KIN: variants seen among roughly 807,000 people sequenced by gnomAD.
The protein encoded by KIN is Kin17 DNA and RNA binding protein.
Under a neutral mutation model 63.0 loss-of-function variants are expected in KIN, and 47 were observed. The ratio of observed to expected loss-of-function variants is 0.75; its 90% CI spans 0.59 to 0.95. KIN has a LOEUF of 0.95. KIN is among the 40% of genes least tolerant of loss of function. KIN has a pLI of 0.00. For synonymous variants in KIN, 160 were observed against 157.7 expected, an observed-to-expected ratio of 1.01 and a Z score of -0.11; for missense variants, 408 against 460.9, an observed-to-expected ratio of 0.89 and a Z score of 1.05.
In KIN at chr10:7,765,933, C is replaced by T. The variant is rs1835534364; in HGVS notation, c.849+120G>A. ...GAAGAAAAGTCATTATAAGTTATAACTAACTCTATCTATATAGATTATACG... is the reference window on the plus strand; with the variant it reads ...GAAGAAAAGTCATTATAAGTTATAATTAACTCTATCTATATAGATTATACG... On this transcript the variant is annotated intron_variant, in intron 9 of 12. Coordinates refer to ENST00000379562, the MANE Select transcript of KIN (RefSeq NM_012311.4). 5.0e-6 allele frequency: 3 copies of T among 598,234 alleles called. No homozygotes were observed. In the South Asian group the frequency reaches 7.6e-5, roughly 15 times the overall value. 37.1% of individuals were successfully genotyped at this position (598,234 alleles called of 1,614,324 possible).
intron 1 of KIN, 145 bp downstream of exon 1, chr10:7,787,675 T>A: frequency 1.5e-6 from 1 of 659,590 alleles, no homozygotes; most frequent in Non-Finnish European, 2.7e-6. Context: ...CGCTGAGTAG[T>A]TGACTCGCCC....
At chr10:7,784,808 T>C (rs1439969698) in intron 1 of KIN, among the ~76,000 whole-genome samples, 1 of 152,212 alleles carries the variant, frequency 6.6e-6, no homozygotes, top group Non-Finnish European at 1.5e-5. Flanking sequence ...TTTCTAAGTA[T>C]TACCCCAATA....
At chr10:7,784,680 G>A (rs570306560) in intron 1 of KIN, among the ~76,000 whole-genome samples, 1 of 151,986 alleles carries the variant, frequency 6.6e-6, no homozygotes, top group Non-Finnish European at 1.5e-5. Flanking sequence ...AATCATAAAT[G>A]TTAAAAAAAA....
rs1408773633 is a variant in KIN at position 7,756,133 on chromosome 10, T to G, written c.1129A>C (p.Lys377Gln). The change falls in exon 13 of 13, where the codon AAA becomes CAA. Residue 377 changes from lysine (K) to glutamine (Q), a missense_variant. Lys to Gln is a moderately conservative substitution (Grantham distance 53). Transcript: ENST00000379562. ...ATIVIETGPL[K>Q]GRRVEGIQYE... Reference sequence around the variant, plus strand: ...TGAATTCCTTCAACTCTGCGTCCTTTTAAAGGGCCCTACAAATTAAAATAA... The same window carrying G: ...TGAATTCCTTCAACTCTGCGTCCTTGTAAAGGGCCCTACAAATTAAAATAA... 1.3e-6 allele frequency: 2 copies of G among 1,579,398 alleles called. No homozygotes were observed. The highest frequency in any genetic ancestry group is 1.7e-4 in the Middle Eastern group (1 of 5,974).
At position 7,752,571 on chromosome 10, in the gene KIN, C is replaced by G. The variant is rs956876023; in HGVS notation, c.*3509G>C. The G allele has an allele frequency of 6.6e-6, 1 of 152,196 alleles. No homozygotes were observed. Among genetic ancestry groups the G allele is most frequent in the South Asian group, 2.1e-4 (1 of 4,834 alleles). The allele number at this position is 152,196 out of a possible 1,614,324, so 9.4% of individuals were successfully genotyped here. On this transcript the variant is annotated 3_prime_UTR_variant, in exon 13 of 13. Coordinates refer to ENST00000379562, the MANE Select transcript of KIN (RefSeq NM_012311.4). Reference sequence around the variant, plus strand: ...CAGCAATTGTGCTCTTTGGTCGTTACGTAAATAAGTTGAAAACGTCTATCC... The same window carrying G: ...CAGCAATTGTGCTCTTTGGTCGTTAGGTAAATAAGTTGAAAACGTCTATCC...
intron 12 of KIN, among the ~76,000 whole-genome samples, chr10:7,756,583 C>A (rs183658820): frequency 6.6e-6 from 1 of 152,160 alleles, no homozygotes; most frequent in African/African-American, 2.4e-5. Context: ...ACTGGAGATG[C>A]CACTTGAGGG....
intron 1 of KIN, 21 bp downstream of exon 1, chr10:7,787,799 G>A (rs1334114367): frequency 1.3e-6 from 2 of 1,576,402 alleles, no homozygotes; most frequent in Non-Finnish European, 1.7e-6. Context: ...GGGAAGACGG[G>A]GCCACTCCGG....
intron 11 of KIN, among the ~76,000 whole-genome samples, 193 bp from the exon 12 acceptor site, chr10:7,760,183 A>G (rs1835412897): frequency 6.6e-6 from 1 of 152,204 alleles, no homozygotes. Context: ...CTCGAACATT[A>G]TAAGACTTCT....
At chr10:7,769,435 T>C (rs867188048) in intron 7 of KIN, 90 bp from the exon 8 acceptor site, 1 of 1,306,966 alleles carries the variant, frequency 7.7e-7, no homozygotes, top group Middle Eastern at 1.9e-4. Context: ...AGAATAAATG[T>C]GTGACATAGT....
At chr10:7,775,349 T>C (rs759963289) in intron 6 of KIN, among the ~76,000 whole-genome samples, 1 of 152,170 alleles carries the variant, frequency 6.6e-6, no homozygotes, top group Non-Finnish European at 1.5e-5. Flanking sequence ...GAGGAGTGTC[T>C]TCTTGGAAAA....
At chr10:7,781,540 C>T (rs905701005) in intron 2 of KIN, among the ~76,000 whole-genome samples, 8 of 149,972 alleles carry the variant, frequency 5.3e-5, no homozygotes, top group African/African-American at 2.0e-4. Context: ...ATCACTTGAG[C>T]CCAGGAGTTC....
In KIN at chr10:7,754,102, G is replaced by T. The variant is rs1255639161; in HGVS notation, c.*1978C>A. 1 of 455,882 alleles carries T rather than the reference G, an allele frequency of 2.2e-6. No homozygotes were observed. 28.2% of individuals were successfully genotyped at this position (455,882 alleles called of 1,614,324 possible). On this transcript the variant is annotated 3_prime_UTR_variant, in exon 13 of 13. Transcript: ENST00000379562. ...CACAACATTTTAGAAGGCCGAGGCA[G>T]GAGGATTGCTTGAGCTCAAGAGTTT... is the stretch of plus-strand genomic sequence containing the variant.
chr10:7,783,264 G>C, intron 1 of KIN, 89 bp from the exon 2 acceptor site: 1 of 542,032 alleles, frequency 1.8e-6, no homozygotes, highest in Non-Finnish European at 3.1e-6. Context: ...CAAAAAATCT[G>C]CTCTTTGATG....
rs1339116862 is a variant in KIN at position 7,754,063 on chromosome 10, C to A, written c.*2017G>T. ...GATCAACTCAGGCAAGGCGTGGTAGCTCACACCTGTAATCACAACATTTTA... is the reference window on the plus strand; with the variant it reads ...GATCAACTCAGGCAAGGCGTGGTAGATCACACCTGTAATCACAACATTTTA... On this transcript the variant is annotated 3_prime_UTR_variant, in exon 13 of 13. Transcript: ENST00000379562. 1 of 455,932 alleles carries A rather than the reference C, an allele frequency of 2.2e-6. No individual in the cohort carries two copies. The highest frequency in any genetic ancestry group is 2.0e-5 in the African/African-American group (1 of 50,066). 28.2% of individuals were successfully genotyped at this position (455,932 alleles called of 1,614,324 possible). A position where few individuals can be genotyped will look rare whatever the true frequency, so the allele number is the denominator to read the frequency against.
chr10:7,777,993 A>T (rs1317809988), intron 5 of KIN, among the ~76,000 whole-genome samples: 1 of 152,066 alleles, frequency 6.6e-6, no homozygotes, highest in African/African-American at 2.4e-5. Context: ...ATCCTGGCAC[A>T]GCGGAGGCGC....
At chr10:7,777,411 G>C (rs1402446459) in intron 5 of KIN, among the ~76,000 whole-genome samples, 2 of 151,938 alleles carry the variant, frequency 1.3e-5, no homozygotes, top group Non-Finnish European at 2.9e-5. Context: ...TCTGGGTGGT[G>C]GTTCCACAGG....
chr10:7,766,007 C>T (rs548525997), intron 9 of KIN, 46 bp downstream of exon 9: 4 of 1,403,578 alleles, frequency 2.8e-6, no homozygotes, highest in Middle Eastern at 1.8e-4. Context: ...AAATCATTCA[C>T]TTAAACATAC....
intron 5 of KIN, among the ~76,000 whole-genome samples, chr10:7,778,027 T>C (rs1479824261): frequency 6.6e-6 from 1 of 152,098 alleles, no homozygotes; most frequent in East Asian, 1.9e-4. Flanking sequence ...TTGAAATAAA[T>C]GCCCCAACCT....
chr10:7,775,310 A>G (rs1423540627), intron 6 of KIN, among the ~76,000 whole-genome samples: 3 of 152,338 alleles, frequency 2.0e-5, no homozygotes, highest in Middle Eastern at 6.8e-3. Context: ...GTTCTGGCCA[A>G]TGACATTTGA....
Sources: gnomAD v4.1 joint callset for allele counts (sites outside exome capture counted in the v4.1 genomes callset) on GRCh38, gnomAD v4.1.1 for gene constraint, MANE v1.5 for transcripts, NCBI Gene and HGNC (gene_info 2026-07-23, HGNC 2026-07-21) for gene names.